Variants in ERCC1 observed in about 807,000 individuals in gnomAD.
ERCC1 encodes the protein ERCC excision repair 1, endonuclease non-catalytic subunit.
A neutral mutation model predicts 37.6 loss-of-function variants in ERCC1; 36 were observed. The ratio of observed to expected loss-of-function variants is 0.96; its 90% CI spans 0.73 to 1.26. ERCC1 has a LOEUF of 1.26. Among genes scored for constraint, ERCC1 ranks in the 50% most tolerant of loss-of-function variants. The probability of loss-of-function intolerance (pLI) is 0.00; values close to 1 mark genes in which losing one functional copy is unlikely to be tolerated. For missense variants in ERCC1, 349 were observed against 376.5 expected, an observed-to-expected ratio of 0.93 and a Z score of 0.60; for synonymous variants, 156 against 162.1, an observed-to-expected ratio of 0.96 and a Z score of 0.28.
intron 1 of ERCC1, among the ~76,000 whole-genome samples, chr19:45,442,604 G>C (rs572823140): frequency 1.3e-5 from 2 of 152,234 alleles, no homozygotes; most frequent in South Asian, 4.1e-4. Context: ...GCAAGGATGT[G>C]TCCTTTTGAG....
chr19:45,434,807 C>T (rs191441615), intron 1 of ERCC1, among the ~76,000 whole-genome samples: 651 of 151,236 alleles, frequency 4.3e-3, no homozygotes, highest in African/African-American at 0.015. Flanking sequence ...CAGAGTTTCG[C>T]TCTTGTTGCC....
chr19:45,409,175 G>A lies in ERCC1; in HGVS notation c.*500C>T. 1 of 1,613,564 alleles carries A rather than the reference G, an allele frequency of 6.2e-7. No individual in the cohort carries two copies. The highest frequency in any genetic ancestry group is 8.5e-7 in the Non-Finnish European group (1 of 1,179,694). On this transcript the variant is annotated 3_prime_UTR_variant, in exon 10 of 10. Transcript: ENST00000300853. ...TGCCACAGTGGAGCCAGAGACAGAG[G>A]TGGTGGGGCCTGAGCTGCCGGATGA...
In ERCC1 at chr19:45,407,766, C is replaced by T. The variant is rs868539528; in HGVS notation, c.*1909G>A. On this transcript the variant is annotated 3_prime_UTR_variant, in exon 10 of 10. Coordinates refer to ENST00000300853, the MANE Select transcript of ERCC1 (RefSeq NM_001983.4). ...CACTCTAGTCATGTTTTATTAAAAA[C>T]CAGAGGCCAGCCAGGCGCAGTGGCT... 1 of 251,494 alleles carries T rather than the reference C, an allele frequency of 4.0e-6. No individual in the cohort carries two copies. Among genetic ancestry groups the T allele is most frequent in the Non-Finnish European group, 7.7e-6 (1 of 130,662 alleles). 15.6% of individuals were successfully genotyped at this position (251,494 alleles called of 1,614,324 possible).
At chr19:45,426,208 G>A (rs968307199), upstream of ERCC1, among the ~76,000 whole-genome samples, 9 of 151,952 alleles carry the variant, frequency 5.9e-5, no homozygotes, top group South Asian at 2.1e-4. Flanking sequence ...GTGAAACCCC[G>A]TCTTTACTAA....
intron 1 of ERCC1, among the ~76,000 whole-genome samples, chr19:45,438,414 G>C (rs1759757868): frequency 6.6e-6 from 1 of 152,086 alleles, no homozygotes; most frequent in Admixed American, 6.6e-5. Flanking sequence ...CCAGAAGTGG[G>C]ATTGCTGGAT....
At position 45,407,826 on chromosome 19, in the gene ERCC1, C is replaced by G. The variant is rs984535155; in HGVS notation, c.*1849G>C. On this transcript the variant is annotated 3_prime_UTR_variant, in exon 10 of 10. Transcript: ENST00000300853. The stretch of plus-strand genomic sequence containing the variant: ...AATCCCATCCTTTGGGAGGCCGAGG[C>G]GAGCAGATCACTTGAGGTCAGGAGT... 1 of 276,006 alleles carries G rather than the reference C, an allele frequency of 3.6e-6. No homozygotes were observed. Among genetic ancestry groups the G allele is most frequent in the Non-Finnish European group, 6.8e-6 (1 of 146,624 alleles). The allele number at this position is 276,006 out of a possible 1,614,324, so 17.1% of individuals were successfully genotyped here.
chr19:45,417,208 C>T (rs1012315534), intron 5 of ERCC1, among the ~76,000 whole-genome samples: 1 of 152,210 alleles, frequency 6.6e-6, no homozygotes, highest in Non-Finnish European at 1.5e-5. Flanking sequence ...GGGTGCCTGG[C>T]CCGTGCTAAG....
chr19:45,433,981 G>A (rs12979165), intron 1 of ERCC1, among the ~76,000 whole-genome samples: 5 of 150,704 alleles, frequency 3.3e-5, no homozygotes, highest in African/African-American at 9.7e-5. Flanking sequence ...AAAAATACAC[G>A]CACACAAAAA....
intron 1 of ERCC1, among the ~76,000 whole-genome samples, chr19:45,430,853 G>A (rs1248584973): frequency 1.3e-5 from 2 of 152,032 alleles, no homozygotes; most frequent in African/African-American, 4.8e-5. Flanking sequence ...TTTGCAGTGA[G>A]CTGAGATTGG....
intron 8 of ERCC1, 23 bp from the exon 9 acceptor site, chr19:45,413,768 C>G (rs1338620474): frequency 6.2e-7 from 1 of 1,612,146 alleles, no homozygotes; most frequent in Non-Finnish European, 8.5e-7. Flanking sequence ...AGCGAGGGGT[C>G]AGGGCAGTTG....
At chr19:45,434,497 A>C (rs1974923092) in intron 1 of ERCC1, among the ~76,000 whole-genome samples, 1 of 152,174 alleles carries the variant, frequency 6.6e-6, no homozygotes, top group Non-Finnish European at 1.5e-5. Context: ...ATCTCAAAAA[A>C]AAGAAAAGAG....
chr19:45,409,290 T>C lies in ERCC1; in HGVS notation c.*385A>G. Reference sequence around the variant, plus strand: ...ACAGTGACTGAGCCAATTCAGCCACTAGAGCCTGAACTGCCAGGGGAGGGA... The same window carrying C: ...ACAGTGACTGAGCCAATTCAGCCACCAGAGCCTGAACTGCCAGGGGAGGGA... On this transcript the variant is annotated 3_prime_UTR_variant, in exon 10 of 10. Coordinates refer to ENST00000300853, the MANE Select transcript of ERCC1 (RefSeq NM_001983.4). The C allele has an allele frequency of 1.2e-6, 2 of 1,613,382 alleles. No individual in the cohort carries two copies. Among genetic ancestry groups the C allele is most frequent in the East Asian group, 4.5e-5 (2 of 44,820 alleles).
Position 45,408,920 on chromosome 19 carries a change from C to G in ERCC1, c.*755G>C. ...TCAGCCACAGGTGAAGGTGGAGCCA[C>G]TGGAGGAAGCCATCCCTCTGCCCCC... On this transcript the variant is annotated 3_prime_UTR_variant, in exon 10 of 10. Coordinates refer to ENST00000300853, the MANE Select transcript of ERCC1 (RefSeq NM_001983.4). 6.2e-7 allele frequency: 1 copy of G among 1,614,062 alleles called. No individual in the cohort carries two copies.
At chr19:45,410,478 C>T (rs1288149856) in intron 9 of ERCC1, 4 of 152,030 alleles carry the variant, frequency 2.6e-5, no homozygotes, top group Admixed American at 2.6e-4. Context: ...CCACCGCACC[C>T]TGCCAAGTTA....
In ERCC1 at chr19:45,408,275, G is replaced by C. The variant is rs758683252; in HGVS notation, c.*1400C>G. ...GCTGGCCCCCTCAACGGAGGCAGGA[G>C]GTGGACTCACCTGTGCCTCAGCCCC... On this transcript the variant is annotated 3_prime_UTR_variant, in exon 10 of 10. Transcript: ENST00000300853. The C allele has an allele frequency of 5.6e-6, 9 of 1,614,094 alleles. No individual in the cohort carries two copies. Among genetic ancestry groups the C allele is most frequent in the Non-Finnish European group, 6.8e-6 (8 of 1,180,008 alleles).
intron 1 of ERCC1, among the ~76,000 whole-genome samples, chr19:45,430,828 A>G (rs905294672): frequency 3.9e-5 from 6 of 151,918 alleles, no homozygotes; most frequent in African/African-American, 1.2e-4. Flanking sequence ...GAGGTGGGAG[A>G]ATTGGGAGAT....
At chr19:45,446,748 C>A (rs1048860168) in intron 1 of ERCC1, among the ~76,000 whole-genome samples, 1 of 152,156 alleles carries the variant, frequency 6.6e-6, no homozygotes, top group African/African-American at 2.4e-5. Flanking sequence ...AACTGTAATC[C>A]CGGAACTTTG....
chr19:45,409,402 AGAGGAGAT>A lies in ERCC1; in HGVS notation c.*265_*272del. 1 of 1,613,948 alleles carries A rather than the reference AGAGGAGAT, an allele frequency of 6.2e-7. No individual in the cohort carries two copies. Among genetic ancestry groups the A allele is most frequent in the South Asian group, 1.1e-5 (1 of 91,070 alleles). On this transcript the variant is annotated 3_prime_UTR_variant, in exon 10 of 10. Transcript: ENST00000300853. ...GCCGGATGCCAGAGACAGTGCCCCA[AGAGGAGAT>A]GCCAGGGCCGCCACTGAATTCAGAG...
intron 6 of ERCC1, among the ~76,000 whole-genome samples, chr19:45,416,221 G>T (rs900123769): frequency 6.6e-6 from 1 of 152,198 alleles, no homozygotes; most frequent in Non-Finnish European, 1.5e-5. Flanking sequence ...CAAAAGCCAC[G>T]CCTGGCACTG....
Sources: gnomAD v4.1 joint callset for allele counts (sites outside exome capture counted in the v4.1 genomes callset) on GRCh38, gnomAD v4.1.1 for gene constraint, MANE v1.5 for transcripts, NCBI Gene and HGNC (gene_info 2026-07-23, HGNC 2026-07-21) for gene names.